IGF2BP2: variants seen among roughly 807,000 people sequenced by gnomAD.
The protein encoded by IGF2BP2 is insulin like growth factor 2 mRNA binding protein 2, also known as insulin-like growth factor 2 mRNA-binding protein 2.
In IGF2BP2, 17 loss-of-function variants were observed where a neutral mutation model predicts 75.8. The ratio of observed to expected loss-of-function variants is 0.22; its 90% CI spans 0.15 to 0.34. The LOEUF (loss-of-function observed/expected upper bound fraction) is 0.34. Ranked by LOEUF, IGF2BP2 falls within the 10% of genes least tolerant of loss-of-function variation. IGF2BP2 has a pLI of 1.00. For synonymous variants in IGF2BP2, 288 were observed against 295.6 expected, an observed-to-expected ratio of 0.97 and a Z score of 0.26; for missense variants, 516 against 772.4, an observed-to-expected ratio of 0.67 and a Z score of 3.93.
intron 12 of IGF2BP2, among the ~76,000 whole-genome samples, chr3:185,654,681 G>C (rs1715148995): frequency 1.3e-5 from 2 of 152,206 alleles, no homozygotes; most frequent in South Asian, 4.1e-4. Context: ...TAAAGGGGCA[G>C]GAATGAGGAC....
chr3:185,820,109 A>G (rs572788667), intron 2 of IGF2BP2, among the ~76,000 whole-genome samples: 1 of 152,036 alleles, frequency 6.6e-6, no homozygotes, highest in South Asian at 2.1e-4. Flanking sequence ...CAGAAACTGC[A>G]TTTTTCAAAG....
At chr3:185,766,943 A>G (rs528022693) in intron 2 of IGF2BP2, among the ~76,000 whole-genome samples, 29 of 152,330 alleles carry the variant, frequency 1.9e-4, no homozygotes, top group Admixed American at 1.6e-3. Flanking sequence ...GATGCCTGCT[A>G]ATTGTAGCTG....
intron 2 of IGF2BP2, among the ~76,000 whole-genome samples, chr3:185,746,647 T>C (rs1730284643): frequency 6.6e-6 from 1 of 152,168 alleles, no homozygotes; most frequent in African/African-American, 2.4e-5. Context: ...AGGAAGATTA[T>C]ATATGAGGGC....
At chr3:185,782,480 A>G (rs1403265386) in intron 2 of IGF2BP2, among the ~76,000 whole-genome samples, 3 of 152,052 alleles carry the variant, frequency 2.0e-5, no homozygotes, top group East Asian at 3.9e-4. Context: ...CCTTTTGGGC[A>G]TGGTGTTCTC....
In IGF2BP2 at chr3:185,650,346, G is replaced by T. The variant is rs1714386685; in HGVS notation, c.1462-812C>A. 2.7e-5 allele frequency among the ~76,000 whole-genome samples: 4 copies of T among 150,766 alleles called. No homozygotes were observed. In the South Asian group the frequency reaches 8.4e-4, roughly 32 times the overall value. On this transcript the variant is annotated intron_variant, in intron 13 of 15. Transcript: ENST00000382199. Reference sequence around the variant, plus strand: ...TTTTTTTCTTTACTTAAAATACTGAGATATAACTTACATAATCTGAGAGTC... The same window carrying T: ...TTTTTTTCTTTACTTAAAATACTGATATATAACTTACATAATCTGAGAGTC...
chr3:185,797,796 T>C lies in IGF2BP2; in HGVS notation c.239+25357A>G, dbSNP rs1435062793. ...GGTGCATGCCTGTAGTCCTAGCTAC[T>C]GAGGAGGCTGAGGTGGGAGAACCAC... On this transcript the variant is annotated intron_variant, in intron 2 of 15. Coordinates refer to ENST00000382199, the MANE Select transcript of IGF2BP2 (RefSeq NM_006548.6). 3.4e-5 allele frequency among the ~76,000 whole-genome samples: 5 copies of C among 148,776 alleles called. No individual in the cohort carries two copies. In the Admixed American group the frequency reaches 3.4e-4, roughly 10 times the overall value.
rs149149225 is a variant in IGF2BP2, at chr3:185,818,301, G to A, written c.239+4852C>T. Among the ~76,000 whole-genome samples, 414 of 152,206 alleles carry A rather than the reference G, an allele frequency of 2.7e-3. 1 individual carries two copies. The highest frequency in any genetic ancestry group is 9.6e-3 in the African/African-American group (400 of 41,516). ...GGATAGCCAAGTGAAAAGGAAGGAGGGAAGATGCTGCACTGATGGTCCTTT... is the reference window on the plus strand; with the variant it reads ...GGATAGCCAAGTGAAAAGGAAGGAGAGAAGATGCTGCACTGATGGTCCTTT... On this transcript the variant is annotated intron_variant, in intron 2 of 15. Coordinates refer to ENST00000382199, the MANE Select transcript of IGF2BP2 (RefSeq NM_006548.6).
At chr3:185,722,734 G>C (rs1726754889) in intron 2 of IGF2BP2, among the ~76,000 whole-genome samples, 1 of 152,036 alleles carries the variant, frequency 6.6e-6, no homozygotes, top group South Asian at 2.1e-4. Flanking sequence ...AGGGCTGGCG[G>C]GTAGAGAACT....
intron 7 of IGF2BP2, 54 bp downstream of exon 7, chr3:185,687,003 G>A: frequency 6.3e-7 from 1 of 1,583,422 alleles, no homozygotes; most frequent in Non-Finnish European, 8.6e-7. Context: ...TTAAATGAGG[G>A]AGAATCTACT....
At chr3:185,676,734 A>G (rs1054181336) in intron 7 of IGF2BP2, among the ~76,000 whole-genome samples, 11 of 133,124 alleles carry the variant, frequency 8.3e-5, no homozygotes, top group South Asian at 2.5e-4. Flanking sequence ...ATGGAGATGT[A>G]TATATATATA....
chr3:185,679,502 T>C (rs2149265046), intron 7 of IGF2BP2, among the ~76,000 whole-genome samples: 1 of 152,374 alleles, frequency 6.6e-6, no homozygotes, highest in African/African-American at 2.4e-5. Flanking sequence ...ATTACTACAG[T>C]ACAGGTTACT....
chr3:185,700,701 C>CTGG (rs1472000456), intron 2 of IGF2BP2, among the ~76,000 whole-genome samples: 2 of 152,126 alleles, frequency 1.3e-5, no homozygotes, highest in Non-Finnish European at 2.9e-5. Flanking sequence ...CAACAATTTA[C>CTGG]TGGTAGATAT....
Position 185,652,110 on chromosome 3 carries a change from G to C in IGF2BP2, c.1445C>G (p.Pro482Arg). Reference protein sequence around the residue: ...SERMVIITGPPEAQFKAQGRI... With the variant: ...SERMVIITGPREAQFKAQGRI... ...GGCACTAACCTTGAACTGGGCTTCCGGTGGCCCGGTGATGATGACCATCCT... is the reference window on the plus strand; with the variant it reads ...GGCACTAACCTTGAACTGGGCTTCCCGTGGCCCGGTGATGATGACCATCCT... Residue 482 changes from proline to arginine, a missense_variant, in exon 13 of 16, where the codon CCG becomes CGG. By Grantham distance (103) the Pro-to-Arg change is moderately radical. Coordinates refer to ENST00000382199, the MANE Select transcript of IGF2BP2 (RefSeq NM_006548.6). 6.2e-7 allele frequency: 1 copy of C among 1,612,496 alleles called. No homozygotes were observed. Among genetic ancestry groups the C allele is most frequent in the Non-Finnish European group, 8.5e-7 (1 of 1,178,926 alleles).
intron 2 of IGF2BP2, among the ~76,000 whole-genome samples, chr3:185,749,928 G>A (rs1268032127): frequency 6.6e-6 from 1 of 152,048 alleles, no homozygotes; most frequent in Non-Finnish European, 1.5e-5. Flanking sequence ...AAAATACAAT[G>A]ATATCTGGGC....
chr3:185,688,328 C>T (rs911636729), intron 6 of IGF2BP2, among the ~76,000 whole-genome samples: 2 of 152,156 alleles, frequency 1.3e-5, no homozygotes, highest in Non-Finnish European at 2.9e-5. Flanking sequence ...CCTGGCAAAA[C>T]AGACAGGAAC....
intron 2 of IGF2BP2, among the ~76,000 whole-genome samples, chr3:185,805,682 C>T (rs937304460): frequency 6.6e-6 from 1 of 152,090 alleles, no homozygotes; most frequent in Admixed American, 6.5e-5. Context: ...TTATAGATCA[C>T]ATTTGATCCT....
At chr3:185,687,986 C>CA (rs1052335163) in intron 6 of IGF2BP2, among the ~76,000 whole-genome samples, 1 of 151,958 alleles carries the variant, frequency 6.6e-6, no homozygotes, top group African/African-American at 2.4e-5. Context: ...AAATAAAAGT[C>CA]ACTTTCGCAG....
At chr3:185,799,487 G>A (rs1479949571) in intron 2 of IGF2BP2, among the ~76,000 whole-genome samples, 2 of 152,134 alleles carry the variant, frequency 1.3e-5, no homozygotes, top group African/African-American at 2.4e-5. Flanking sequence ...GGTGGCTCAC[G>A]CCTGTAATCC....
intron 7 of IGF2BP2, among the ~76,000 whole-genome samples, chr3:185,679,949 C>G (rs1358257789): frequency 2.0e-5 from 3 of 151,946 alleles, no homozygotes; most frequent in African/African-American, 7.3e-5. Flanking sequence ...AGAACTAAAC[C>G]CAAAACCAGC....
Sources: allele counts gnomAD v4.1 joint callset (sites outside exome capture counted in the v4.1 genomes callset), GRCh38; gene constraint gnomAD v4.1.1; transcripts MANE v1.5; gene names NCBI Gene and HGNC (gene_info 2026-07-23, HGNC 2026-07-21).